Variants in ABCB5 observed in about 807,000 individuals in gnomAD.
ABCB5 encodes ATP binding cassette subfamily B member 5.
In ABCB5, 155 loss-of-function variants were observed where a neutral mutation model predicts 144.2. The observed-to-expected ratio is 1.08, with a 90% confidence interval of 0.94 to 1.23. ABCB5 has a LOEUF of 1.23. Ranked by LOEUF, ABCB5 falls within the 50% of genes most tolerant of loss-of-function variation. The pLI is 0.00. For missense variants in ABCB5, 1,830 were observed against 1,520.8 expected, an observed-to-expected ratio of 1.20 and a Z score of -3.38; for synonymous variants, 610 against 528.6, an observed-to-expected ratio of 1.15 and a Z score of -2.11.
chr7:20,741,116 A>AT (rs1247960116), intron 24 of ABCB5, among the ~76,000 whole-genome samples: 1 of 151,862 alleles, frequency 6.6e-6, no homozygotes, highest in Non-Finnish European at 1.5e-5. Context: ...AAAAAAAAAA[A>AT]AAAATTAAAG....
intron 14 of ABCB5, among the ~76,000 whole-genome samples, chr7:20,666,470 G>A (rs1254472769): frequency 6.6e-6 from 1 of 152,114 alleles, no homozygotes; most frequent in Non-Finnish European, 1.5e-5. Context: ...AACCATCACT[G>A]GTGAGAATCT....
At chr7:20,676,762 C>CA (rs1183836741) in intron 14 of ABCB5, among the ~76,000 whole-genome samples, 4 of 152,048 alleles carry the variant, frequency 2.6e-5, no homozygotes, top group Non-Finnish European at 5.9e-5. Context: ...GTTCTTACCA[C>CA]AAAAAATCAA....
rs140043386 is a variant in ABCB5, at chr7:20,651,010, C to T, written c.1333-410C>T. Among the ~76,000 whole-genome samples, 344 of 152,258 alleles carry T rather than the reference C, an allele frequency of 2.3e-3. 3 individuals are homozygous for T. Among genetic ancestry groups the T allele is most frequent in the African/African-American group, 8.0e-3 (332 of 41,532 alleles). ...CATGTAGAGCAATGAATAGGAGACA[C>T]TTTTGTCTTTTGCAGAGGTGTGAGA... is the stretch of plus-strand genomic sequence containing the variant. On this transcript the variant is annotated intron_variant, in intron 12 of 27. Transcript: ENST00000404938.
At chr7:20,689,542 T>C (rs1343181205) in intron 16 of ABCB5, among the ~76,000 whole-genome samples, 1 of 152,064 alleles carries the variant, frequency 6.6e-6, no homozygotes, top group Non-Finnish European at 1.5e-5. Flanking sequence ...GGCTGAGACA[T>C]AGGACTGTGC....
intron 14 of ABCB5, among the ~76,000 whole-genome samples, chr7:20,665,800 C>A (rs1041946530): frequency 9.9e-5 from 15 of 150,950 alleles, no homozygotes; most frequent in African/African-American, 2.4e-4. Context: ...TACATACATA[C>A]ATACATACAG....
rs886854765 is a variant in ABCB5, at chr7:20,712,047, G to A, written c.2421+7240G>A. Among the ~76,000 whole-genome samples the A allele has an allele frequency of 6.3e-5, 9 of 143,276 alleles. No homozygotes were observed. In the South Asian group the frequency reaches 1.1e-3, roughly 18 times the overall value. The allele number at this position is 143,276 out of a possible 152,430, so 94.0% of individuals were successfully genotyped here. ...GAGGTCAGGAGATTGAAACCATCCT[G>A]GCTAACACAGTGAAACCCCATCTCT... On this transcript the variant is annotated intron_variant, in intron 20 of 27. Coordinates refer to ENST00000404938, the MANE Select transcript of ABCB5 (RefSeq NM_001163941.2).
At chr7:20,690,841 T>C (rs1437392099) in intron 16 of ABCB5, among the ~76,000 whole-genome samples, 1 of 152,118 alleles carries the variant, frequency 6.6e-6, no homozygotes, top group East Asian at 1.9e-4. Flanking sequence ...TGTTGTATCA[T>C]AGACACCAAA....
intron 13 of ABCB5, among the ~76,000 whole-genome samples, chr7:20,655,442 C>T (rs1308141426): frequency 6.6e-6 from 1 of 152,102 alleles, no homozygotes; most frequent in African/African-American, 2.4e-5. Flanking sequence ...CACTGCACTC[C>T]AGCCTGGGCA....
chr7:20,643,416 A>G, intron 6 of ABCB5, 41 bp downstream of exon 6: 2 of 1,613,332 alleles, frequency 1.2e-6, no homozygotes, highest in Non-Finnish European at 1.7e-6. Flanking sequence ...TTGTTTTCAT[A>G]TGTGACATGT....
rs1314823986 is a variant in ABCB5, at chr7:20,628,790, G to A, written c.211G>A (p.Glu71Lys). The A allele has an allele frequency of 1.2e-6, 2 of 1,613,652 alleles. No individual in the cohort carries two copies. The highest frequency in any genetic ancestry group is 1.7e-5 in the Admixed American group (1 of 59,930). ...TCCTTTAATGCCACTGGTTTTAGGAGAAATGAGTGATAACCTTATTAGTGG... is the reference window on the plus strand; with the variant it reads ...TCCTTTAATGCCACTGGTTTTAGGAAAAATGAGTGATAACCTTATTAGTGG... ...CLPLMPLVLG[E>K]MSDNLISGCL... Residue 71 changes from glutamate to lysine, a missense_variant, in exon 4 of 28, where the codon GAA (glutamate) becomes AAA (lysine). Transcript: ENST00000404938.
Position 20,626,573 on chromosome 7 carries a change from C to CT in ABCB5, c.70_71insT (p.Pro24LeufsTer12), listed in dbSNP as rs1412060259. 3.7e-6 allele frequency: 6 copies of CT among 1,607,666 alleles called. No individual in the cohort carries two copies. Among genetic ancestry groups the CT allele is most frequent in the Non-Finnish European group, 4.2e-6 (5 of 1,176,900 alleles). On this transcript the variant is annotated frameshift_variant, in exon 3 of 28. Coordinates refer to ENST00000404938, the MANE Select transcript of ABCB5 (RefSeq NM_001163941.2). LOFTEE classifies it high-confidence loss of function. ...ATTTTCCAGAACTGCAGAAGAACAG[C>CT]CAAAACTGAGAAAGGAAGCAGTTGG...
intron 4 of ABCB5, 74 bp from the exon 5 acceptor site, chr7:20,631,985 G>T: frequency 1.1e-6 from 1 of 922,492 alleles, no homozygotes; most frequent in Non-Finnish European, 1.6e-6. Flanking sequence ...TATTTGGTTT[G>T]GAGGGCTATC....
At chr7:20,755,042 C>G (rs1021779369) in intron 27 of ABCB5, among the ~76,000 whole-genome samples, 4 of 152,132 alleles carry the variant, frequency 2.6e-5, no homozygotes, top group African/African-American at 9.7e-5. Flanking sequence ...CTCCACCTCC[C>G]AGGGTCAAGC....
At chr7:20,664,408 T>A (rs1476635851) in intron 14 of ABCB5, among the ~76,000 whole-genome samples, 1 of 152,222 alleles carries the variant, frequency 6.6e-6, no homozygotes. Context: ...TTTAGGTCAC[T>A]GTTACTTAGC....
chr7:20,742,229 C>T (rs1782584228), intron 24 of ABCB5, among the ~76,000 whole-genome samples: 1 of 152,072 alleles, frequency 6.6e-6, no homozygotes, highest in Admixed American at 6.6e-5. Flanking sequence ...CAAAAATTGG[C>T]TGGGTGTGGT....
intron 9 of ABCB5, among the ~76,000 whole-genome samples, chr7:20,646,607 C>T (rs1027657206): frequency 6.6e-5 from 10 of 152,196 alleles, no homozygotes; most frequent in Admixed American, 6.5e-4. Context: ...CTACATATAG[C>T]TCTGTCCAGT....
intron 5 of ABCB5, among the ~76,000 whole-genome samples, chr7:20,633,122 T>C (rs1190102261): frequency 6.6e-6 from 1 of 152,076 alleles, no homozygotes; most frequent in East Asian, 1.9e-4. Flanking sequence ...AGTAAGGTTT[T>C]ACTCACACTA....
intron 14 of ABCB5, among the ~76,000 whole-genome samples, chr7:20,674,522 T>C (rs191405656): frequency 6.6e-6 from 1 of 151,812 alleles, no homozygotes; most frequent in Non-Finnish European, 1.5e-5. Flanking sequence ...TGAAGTTAAG[T>C]TGCTATCAGC....
chr7:20,718,525 G>C (rs967153335), intron 20 of ABCB5, among the ~76,000 whole-genome samples: 2 of 152,158 alleles, frequency 1.3e-5, no homozygotes, highest in Non-Finnish European at 2.9e-5. Flanking sequence ...AGATGTTTTA[G>C]TGAGAAATTG....
Sources: gnomAD v4.1 joint callset for allele counts (sites outside exome capture counted in the v4.1 genomes callset) on GRCh38, gnomAD v4.1.1 for gene constraint, MANE v1.5 for transcripts, NCBI Gene and HGNC (gene_info 2026-07-23, HGNC 2026-07-21) for gene names.